Variants in DSP observed in about 807,000 individuals in gnomAD.
DSP encodes the protein desmoplakin, also known as 250/210 kDa paraneoplastic pemphigus antigen.
In DSP, 114 loss-of-function variants were observed where a neutral mutation model predicts 290.6. The ratio of observed to expected loss-of-function variants is 0.39; its 90% CI spans 0.34 to 0.46. The LOEUF (loss-of-function observed/expected upper bound fraction) is 0.46. Ranked by LOEUF, DSP falls within the 20% of genes least tolerant of loss-of-function variation. The pLI, the probability that DSP is intolerant of heterozygous loss-of-function variation, is 0.99. For synonymous variants in DSP, 1,311 were observed against 1,316.4 expected, an observed-to-expected ratio of 1.00 and a Z score of 0.09; for missense variants, 3,230 against 3,495.8, an observed-to-expected ratio of 0.92 and a Z score of 1.92.
At position 7,579,961 on chromosome 6, in the gene DSP, T is replaced by A; in HGVS notation, c.3771T>A (p.Asn1257Lys). 6.2e-7 allele frequency: 1 copy of A among 1,614,166 alleles called. No individual in the cohort carries two copies. The highest frequency in any genetic ancestry group is 8.5e-7 in the Non-Finnish European group (1 of 1,180,028). ...TGAAGGATGAAATTGTCAGGCTCAATGACAGCATCTTGCAGGCCACTGAGC... is the reference window on the plus strand; with the variant it reads ...TGAAGGATGAAATTGTCAGGCTCAAAGACAGCATCTTGCAGGCCACTGAGC... ...RDLKDEIVRL[N>K]DSILQATEQR... The change falls in exon 23 of 24, where the codon AAT becomes AAA. Residue 1257 changes from asparagine (N) to lysine (K), a missense_variant. By Grantham distance (94) the Asn-to-Lys change is moderately conservative. This residue lies in a region of DSP where 1,714 missense variants were observed against 1,844.5 expected (regional missense o/e 0.93). Transcript: ENST00000379802. This position sits in a 1 kb window ranked among gnomAD's most constrained non-coding sequence, Gnocchi z 4.1.
intron 1 of DSP, among the ~76,000 whole-genome samples, chr6:7,553,638 C>T (rs537554241): frequency 7.9e-5 from 12 of 152,274 alleles, no homozygotes; most frequent in African/African-American, 2.9e-4. Flanking sequence ...TGGAATTCTG[C>T]ACAAGTTAGG....
rs756837205 is a variant in DSP at position 7,583,144 on chromosome 6, T to G, written c.5882T>G (p.Val1961Gly). The G allele has an allele frequency of 3.1e-6, 5 of 1,613,786 alleles. No homozygotes were observed. Residue 1961 changes from valine (V) to glycine (G), a missense_variant, in exon 24 of 24, where the codon GTT (valine) becomes GGT (glycine). Physicochemically the swap from Val to Gly is moderately radical, Grantham distance 109. Coordinates refer to ENST00000379802, the MANE Select transcript of DSP (RefSeq NM_004415.4). This position sits in a 1 kb window ranked among gnomAD's most constrained non-coding sequence, Gnocchi z 4.0. Reference sequence around the variant, plus strand: ...ACCCAGACTGAGTGTGAGTGGACCGTTGACACCTCCAAGCTGGTGTTTGAT... The same window carrying G: ...ACCCAGACTGAGTGTGAGTGGACCGGTGACACCTCCAAGCTGGTGTTTGAT... ...RETQTECEWT[V>G]DTSKLVFDGL...
chr6:7,563,824 T>C (rs980731625), intron 6 of DSP, 38 bp downstream of exon 6: 4 of 1,581,820 alleles, frequency 2.5e-6, no homozygotes, highest in Non-Finnish European at 2.6e-6. Context: ...CGACTTTCTG[T>C]TGTTTCCAAT....
chr6:7,584,346 G>A lies in DSP; in HGVS notation c.7084G>A (p.Gly2362Ser). 1.9e-6 allele frequency: 3 copies of A among 1,614,114 alleles called. No homozygotes were observed. The highest frequency in any genetic ancestry group is 2.5e-6 in the Non-Finnish European group (3 of 1,180,016). The change falls in exon 24 of 24, where the codon GGC becomes AGC. Residue 2362 changes from glycine to serine, a missense_variant. By Grantham distance (56) the Gly-to-Ser change is moderately conservative. Transcript: ENST00000379802. The surrounding 1 kb of genome is among the most constrained non-coding windows in gnomAD (Gnocchi z 6.4). ...QAMNKELIEK[G>S]HGIRLLEAQI... Reference sequence around the variant, plus strand: ...CATGAATAAGGAACTCATCGAAAAGGGCCACGGTATTCGCTTATTAGAAGC... The same window carrying A: ...CATGAATAAGGAACTCATCGAAAAGAGCCACGGTATTCGCTTATTAGAAGC...
Position 7,559,381 on chromosome 6 carries a change from G to T in DSP, c.578G>T (p.Gly193Val), listed in dbSNP as rs750350474. ...AAACATGTCACCAGTGAATGTTTGG[G>T]GTGGATGAGGCAGCAAAGGGTAAGC... is the stretch of plus-strand genomic sequence containing the variant. ...FTKHVTSECL[G>V]WMRQQRAEMD... Residue 193 changes from glycine (G) to valine (V), a missense_variant, in exon 4 of 24, where the codon GGG (glycine) becomes GTG (valine). Coordinates refer to ENST00000379802, the MANE Select transcript of DSP (RefSeq NM_004415.4). The T allele has an allele frequency of 2.5e-6, 4 of 1,612,786 alleles. No homozygotes were observed. The highest frequency in any genetic ancestry group is 3.4e-6 in the Non-Finnish European group (4 of 1,180,014).
Position 7,580,026 on chromosome 6 carries a change from C to T in DSP, c.3836C>T (p.Ala1279Val), listed in dbSNP as rs753270443. ...GAAGAAAACGCCCTTCAGCAAAAGG[C>T]CTGTGGCTCTGAGATAATGCAGAAG... ...RAEENALQQK[A>V]CGSEIMQKKQ... Residue 1279 changes from alanine to valine, a missense_variant, in exon 23 of 24, where the codon GCC becomes GTC. By Grantham distance (64) the Ala-to-Val change is moderately conservative (BLOSUM62 0). Around this residue, in one of 5 missense-constraint regions of DSP, gnomAD observed 1,714 missense variants for 1,844.5 expected, o/e 0.93. Transcript: ENST00000379802. This position sits in a 1 kb window ranked among gnomAD's most constrained non-coding sequence, Gnocchi z 4.2. The T allele has an allele frequency of 7.6e-5, 123 of 1,613,964 alleles. No homozygotes were observed. Among genetic ancestry groups the T allele is most frequent in the Non-Finnish European group, 9.2e-5 (109 of 1,180,028 alleles).
chr6:7,569,620 A>T (rs1427858836), intron 12 of DSP, among the ~76,000 whole-genome samples: 1 of 152,142 alleles, frequency 6.6e-6, no homozygotes, highest in African/African-American at 2.4e-5. Context: ...GGATCACCTG[A>T]GGTTAGGAGT....
Position 7,580,471 on chromosome 6 carries a change from A to G in DSP, c.4281A>G (p.Glu1427=). 1 of 1,614,120 alleles carries G rather than the reference A, an allele frequency of 6.2e-7. No individual in the cohort carries two copies. Among genetic ancestry groups the G allele is most frequent in the Non-Finnish European group, 8.5e-7 (1 of 1,180,026 alleles). ...TQTTENLRRV[E]EDIQQQKATG... ...CCACAGAGAATCTCAGGAGGGTGGA[A>G]GAAGACATCCAACAGCAAAAGGCCA... The change falls in exon 23 of 24, where the codon GAA becomes GAG. Residue 1427 remains glutamate (E), a synonymous_variant. Coordinates refer to ENST00000379802, the MANE Select transcript of DSP (RefSeq NM_004415.4). This position sits in a 1 kb window ranked among gnomAD's most constrained non-coding sequence, Gnocchi z 4.2.
At chr6:7,555,145 G>T (rs1226784073) in intron 1 of DSP, among the ~76,000 whole-genome samples, 2 of 152,166 alleles carry the variant, frequency 1.3e-5, no homozygotes, top group African/African-American at 4.8e-5. Context: ...GTGTGTCATT[G>T]TCATTGCCAG....
Position 7,565,643 on chromosome 6 carries a change from G to A in DSP, c.939+123G>A. The A allele has an allele frequency of 1.5e-6, 2 of 1,341,518 alleles. No individual in the cohort carries two copies. The highest frequency in any genetic ancestry group is 2.1e-6 in the Non-Finnish European group (2 of 959,052). 83.1% of individuals were successfully genotyped at this position (1,341,518 alleles called of 1,614,324 possible). ...AGCCACTTGCAATTCAGCCTTCTTT[G>A]AAATGGTCGTGAAAAATCCTTCCTT... On this transcript the variant is annotated intron_variant, in intron 7 of 23. Transcript: ENST00000379802. The surrounding 1 kb of genome is among the most constrained non-coding windows in gnomAD (Gnocchi z 4.2).
In DSP at chr6:7,563,755, A is replaced by C; in HGVS notation, c.746A>C (p.Tyr249Ser). 1 of 1,613,678 alleles carries C rather than the reference A, an allele frequency of 6.2e-7. No homozygotes were observed. The highest frequency in any genetic ancestry group is 8.5e-7 in the Non-Finnish European group (1 of 1,179,598). Reference sequence around the variant, plus strand: ...TTCTAGCGCGAGAAATCTGCGATCTACCAGTTGGAGGAGGAGTATGAAAAC... The same window carrying C: ...TTCTAGCGCGAGAAATCTGCGATCTCCCAGTTGGAGGAGGAGTATGAAAAC... ...KADLREKSAI[Y>S]QLEEEYENLL... The change falls in exon 6 of 24, where the codon TAC (tyrosine) becomes TCC (serine). Residue 249 changes from tyrosine to serine, a missense_variant. Tyr to Ser is a moderately radical substitution (Grantham distance 144). Transcript: ENST00000379802.
rs752714010 is a variant in DSP, at chr6:7,570,557, C to T, written c.1695C>T (p.Ile565=). The T allele has an allele frequency of 1.4e-5, 22 of 1,612,980 alleles. No homozygotes were observed. In the East Asian group the frequency reaches 3.1e-4, roughly 23 times the overall value. ...TAGAGAAGATCAGGGCCATGACAAT[C>T]GCCAAGGTATGTCCTCAGGGCCACT... The part of the protein sequence containing the change: ...IDIEKIRAMT[I]AKLKTMRQED... Residue 565 remains isoleucine (I), a synonymous_variant, in exon 13 of 24, where the codon ATC becomes ATT. Coordinates refer to ENST00000379802, the MANE Select transcript of DSP (RefSeq NM_004415.4).
At position 7,583,621 on chromosome 6, in the gene DSP, C is replaced by T. The variant is rs1759528864; in HGVS notation, c.6359C>T (p.Thr2120Ile). ...AAGAAAAATTTGATTGATAGAGAAA[C>T]CGGAATGCGCCTGCTGGAAGCCCAG... ...AIKKNLIDRE[T>I]GMRLLEAQIA... The change falls in exon 24 of 24, where the codon ACC becomes ATC. Residue 2120 changes from threonine (T) to isoleucine (I), a missense_variant. Around this residue, in one of 5 missense-constraint regions of DSP, gnomAD observed 1,714 missense variants for 1,844.5 expected, o/e 0.93. Transcript: ENST00000379802. The surrounding 1 kb of genome is among the most constrained non-coding windows in gnomAD (Gnocchi z 4.0). 1.2e-6 allele frequency: 2 copies of T among 1,613,996 alleles called. No individual in the cohort carries two copies. Among genetic ancestry groups the T allele is most frequent in the African/African-American group, 1.3e-5 (1 of 74,878 alleles).
chr6:7,584,788 C>G lies in DSP; in HGVS notation c.7526C>G (p.Thr2509Arg). 1.9e-6 allele frequency: 3 copies of G among 1,614,180 alleles called. No homozygotes were observed. Among genetic ancestry groups the G allele is most frequent in the Non-Finnish European group, 2.5e-6 (3 of 1,180,030 alleles). ...TGTGAATGGGAAGAAATAACCATCA[C>G]GGGATCAGATGGCTCCACCAGGGTG... Reference protein sequence around the residue: ...QECEWEEITITGSDGSTRVVL... With the variant: ...QECEWEEITIRGSDGSTRVVL... Residue 2509 changes from threonine to arginine, a missense_variant, in exon 24 of 24, where the codon ACG becomes AGG. This residue lies in a region of DSP where 582 missense variants were observed against 555.4 expected (regional missense o/e 1.05). Coordinates refer to ENST00000379802, the MANE Select transcript of DSP (RefSeq NM_004415.4). The surrounding 1 kb of genome is among the most constrained non-coding windows in gnomAD (Gnocchi z 6.4).
intron 1 of DSP, among the ~76,000 whole-genome samples, chr6:7,553,356 C>A (rs567323934): frequency 6.6e-6 from 1 of 152,322 alleles, no homozygotes; most frequent in South Asian, 2.1e-4. Context: ...AGAGACAACT[C>A]TTTCATTTAT....
intron 3 of DSP, 133 bp from the exon 4 acceptor site, chr6:7,559,093 A>G: frequency 1.9e-6 from 2 of 1,060,776 alleles, no homozygotes; most frequent in South Asian, 2.9e-5. Context: ...TAAAGAAAAA[A>G]AAATCTTCAA....
At chr6:7,574,894 G>A in intron 17 of DSP, 99 bp downstream of exon 17, 2 of 1,558,274 alleles carry the variant, frequency 1.3e-6, no homozygotes, top group Non-Finnish European at 1.8e-6. Context: ...GAGTTTTGAG[G>A]ATTATTGGGT....
Position 7,582,171 on chromosome 6 carries a change from T to TAC in DSP, c.5380-471_5380-470insAC, listed in dbSNP as rs1491063866. 2.7e-5 allele frequency among the ~76,000 whole-genome samples: 4 copies of TAC among 147,306 alleles called. No individual in the cohort carries two copies. Among genetic ancestry groups the TAC allele is most frequent in the African/African-American group, 9.9e-5 (4 of 40,604 alleles). ...GTGTGTGTGTGTGTGTGTGTGTATATCTATATATTATATATATAATTATAT... is the reference window on the plus strand; with the variant it reads ...GTGTGTGTGTGTGTGTGTGTGTATATACCTATATATTATATATATAATTATAT... On this transcript the variant is annotated intron_variant, in intron 23 of 23. Coordinates refer to ENST00000379802, the MANE Select transcript of DSP (RefSeq NM_004415.4). This position sits in a 1 kb window ranked among gnomAD's most constrained non-coding sequence, Gnocchi z 4.2.
chr6:7,585,891 A>G lies in DSP; in HGVS notation c.*13A>G. The G allele has an allele frequency of 6.2e-7, 1 of 1,611,770 alleles. No individual in the cohort carries two copies. Among genetic ancestry groups the G allele is most frequent in the African/African-American group, 1.3e-5 (1 of 74,996 alleles). ...TATTGGGCACTAGTAGTCAGTTGGG[A>G]GTGGTTGCTATACCTTGACTTCATT... On this transcript the variant is annotated 3_prime_UTR_variant, in exon 24 of 24. Transcript: ENST00000379802.
Sources: gnomAD v4.1 joint callset for allele counts (sites outside exome capture counted in the v4.1 genomes callset) on GRCh38, gnomAD v4.1.1 for gene constraint, gnomAD v4.1.1 regional missense constraint, Gnocchi (gnomAD v3.1) non-coding constraint, MANE v1.5 for transcripts, NCBI Gene and HGNC (gene_info 2026-07-23, HGNC 2026-07-21) for gene names.